Variants in PDE10A observed in about 807,000 individuals in gnomAD.
PDE10A encodes the protein cAMP and cAMP-inhibited cGMP 3',5'-cyclic phosphodiesterase 10A.
A neutral mutation model predicts 97.7 loss-of-function variants in PDE10A; 39 were observed. The ratio of observed to expected loss-of-function variants is 0.40; its 90% CI spans 0.31 to 0.52. The LOEUF is 0.52. Ranked by LOEUF, PDE10A falls within the 20% of genes least tolerant of loss-of-function variation. PDE10A has a pLI of 0.56. For missense variants in PDE10A, 731 were observed against 1,047.8 expected, an observed-to-expected ratio of 0.70 and a Z score of 4.17; for synonymous variants, 371 against 376.8, an observed-to-expected ratio of 0.98 and a Z score of 0.18.
intron 1 of PDE10A, among the ~76,000 whole-genome samples, chr6:165,721,792 TATG>T (rs1283017110): frequency 8.5e-5 from 13 of 152,188 alleles, no homozygotes; most frequent in African/African-American, 2.7e-4. Context: ...CTTAATTGAT[TATG>T]ATGTTTTAAA....
intron 2 of PDE10A, among the ~76,000 whole-genome samples, chr6:165,522,993 G>T (rs112859732): frequency 6.6e-6 from 1 of 151,198 alleles, no homozygotes; most frequent in African/African-American, 2.4e-5. Context: ...CAAACCAAGC[G>T]CCAAATCAAG....
chr6:165,922,390 G>A (rs1296629817), intron 1 of PDE10A, among the ~76,000 whole-genome samples: 1 of 152,276 alleles, frequency 6.6e-6, no homozygotes, highest in East Asian at 1.9e-4. Flanking sequence ...ACACAAAGTG[G>A]TACAAGCACA....
chr6:165,476,052 G>A (rs1441970395), intron 3 of PDE10A, among the ~76,000 whole-genome samples: 1 of 151,568 alleles, frequency 6.6e-6, no homozygotes, highest in Admixed American at 6.6e-5. Context: ...TACATGAATA[G>A]TAAACAGACA....
chr6:165,601,376 T>C (rs761203859), intron 1 of PDE10A, among the ~76,000 whole-genome samples: 1 of 152,194 alleles, frequency 6.6e-6, no homozygotes, highest in African/African-American at 2.4e-5. Context: ...ATATAACAAT[T>C]ACATTTTTTA....
chr6:165,927,073 G>C (rs1398082706), intron 1 of PDE10A, among the ~76,000 whole-genome samples: 1 of 129,058 alleles, frequency 7.7e-6, no homozygotes, highest in Non-Finnish European at 1.6e-5. Flanking sequence ...ACTGGGGCCT[G>C]TTGGGGGGTG....
At chr6:165,519,554 C>T (rs539719674) in intron 2 of PDE10A, among the ~76,000 whole-genome samples, 1 of 152,094 alleles carries the variant, frequency 6.6e-6, no homozygotes, top group East Asian at 1.9e-4. Flanking sequence ...CTACTTCAAC[C>T]TGTGGCTAGT....
chr6:165,417,035 G>A (rs1788367514), intron 11 of PDE10A, among the ~76,000 whole-genome samples: 1 of 151,952 alleles, frequency 6.6e-6, no homozygotes, highest in South Asian at 2.1e-4. Context: ...ATGTCTACAA[G>A]TCACAATATC....
intron 1 of PDE10A, among the ~76,000 whole-genome samples, chr6:165,950,850 G>A (rs567629960): frequency 5.3e-5 from 8 of 152,294 alleles, no homozygotes; most frequent in South Asian, 2.1e-4. Context: ...CAAAAGTCAC[G>A]TGAAAAATTA....
At chr6:165,645,461 C>A (rs764561050) in intron 1 of PDE10A, among the ~76,000 whole-genome samples, 3 of 152,132 alleles carry the variant, frequency 2.0e-5, no homozygotes, top group Non-Finnish European at 2.9e-5. Flanking sequence ...TTCAGAGAAC[C>A]AGTGGAATCA....
chr6:165,637,206 C>T (rs1788917525), intron 1 of PDE10A, among the ~76,000 whole-genome samples: 1 of 152,110 alleles, frequency 6.6e-6, no homozygotes, highest in African/African-American at 2.4e-5. Context: ...TAGGGTGACC[C>T]CAGGACCGAT....
chr6:165,886,373 GAGCCCTGGAGCCAGA>G (rs1357041699), intron 1 of PDE10A, among the ~76,000 whole-genome samples: 7 of 150,154 alleles, frequency 4.7e-5, no homozygotes, highest in Non-Finnish European at 1.0e-4. Flanking sequence ...TGGAACCCTG[GAGCCCTGGAGCCAGA>G]AGCCCTGGAG....
chr6:165,816,867 G>A (rs1023276668), intron 1 of PDE10A, among the ~76,000 whole-genome samples: 1 of 152,128 alleles, frequency 6.6e-6, no homozygotes, highest in Non-Finnish European at 1.5e-5. Flanking sequence ...GCACAAGGGG[G>A]ACAGTGGAAG....
intron 1 of PDE10A, among the ~76,000 whole-genome samples, chr6:165,981,302 C>G (rs1785007326): frequency 2.6e-5 from 4 of 152,034 alleles, no homozygotes; most frequent in Admixed American, 2.6e-4. Flanking sequence ...TCTCCCCACA[C>G]TTTCAGATGA....
At chr6:165,840,414 C>A (rs1027389551) in intron 1 of PDE10A, among the ~76,000 whole-genome samples, 8 of 152,192 alleles carry the variant, frequency 5.3e-5, no homozygotes, top group African/African-American at 1.9e-4. Flanking sequence ...TAGAGCTGAT[C>A]CATTTTTCCC....
intron 1 of PDE10A, among the ~76,000 whole-genome samples, chr6:165,729,350 T>G (rs1056134618): frequency 6.6e-6 from 1 of 152,206 alleles, no homozygotes; most frequent in Non-Finnish European, 1.5e-5. Context: ...TATAAACAGA[T>G]TAAACATTTT....
At chr6:165,608,150 T>G (rs1049425087) in intron 1 of PDE10A, among the ~76,000 whole-genome samples, 3 of 150,986 alleles carry the variant, frequency 2.0e-5, no homozygotes, top group Admixed American at 6.6e-5. Context: ...CTAGGGTACA[T>G]GTGCACAACG....
intron 1 of PDE10A, among the ~76,000 whole-genome samples, chr6:165,901,621 G>A (rs891418644): frequency 3.5e-4 from 53 of 152,122 alleles, no homozygotes; most frequent in Non-Finnish European, 7.1e-4. Flanking sequence ...TGACCAACAC[G>A]GAGAAACTCT....
At chr6:165,724,407 A>T (rs908433769) in intron 1 of PDE10A, among the ~76,000 whole-genome samples, 1 of 152,212 alleles carries the variant, frequency 6.6e-6, no homozygotes, top group Non-Finnish European at 1.5e-5. Flanking sequence ...AAATTAAATT[A>T]TCGCTTCTAT....
At position 165,733,722 on chromosome 6, in the gene PDE10A, C is replaced by T. The variant is rs184101474; in HGVS notation, c.-614-190154G>A. Among the ~76,000 whole-genome samples, 298 of 152,278 alleles carry T rather than the reference C, an allele frequency of 2.0e-3. 2 individuals are homozygous for T. Among genetic ancestry groups the T allele is most frequent in the Non-Finnish European group, 3.2e-3 (219 of 68,016 alleles). ...TTTGACAGGAGAAAATTAAACTGTT[C>T]TCTTGTCTCAAAGACATAATGCCAC... On this transcript the variant is annotated intron_variant, in intron 1 of 19. Coordinates refer to the PDE10A transcript ENST00000366882.
Sources: allele counts gnomAD v4.1 joint callset (sites outside exome capture counted in the v4.1 genomes callset), GRCh38; gene constraint gnomAD v4.1.1; transcripts MANE v1.5; gene names NCBI Gene and HGNC (gene_info 2026-07-23, HGNC 2026-07-21).